Variants in SLC25A26 observed in about 807,000 individuals in gnomAD.
SLC25A26 encodes solute carrier family 25 member 26.
In SLC25A26, 36 loss-of-function variants were observed where a neutral mutation model predicts 37.8. The observed-to-expected ratio is 0.95, with a 90% confidence interval of 0.73 to 1.26. The LOEUF is 1.26. Ranked by LOEUF, SLC25A26 falls within the 50% of genes most tolerant of loss-of-function variation. The pLI is 0.00. For missense variants in SLC25A26, 390 were observed against 331.1 expected (o/e 1.18, Z -1.38); for synonymous variants, 129 against 122.5 (o/e 1.05, Z -0.35).
chr3:66,299,875 G>T (rs2075021897), intron 5 of SLC25A26, among the ~76,000 whole-genome samples: 1 of 152,154 alleles, frequency 6.6e-6, no homozygotes, highest in South Asian at 2.1e-4. Flanking sequence ...GTATCATACT[G>T]CTTTTTCACA....
chr3:66,138,289 T>C (rs572164858), intron 1 of SLC25A26, among the ~76,000 whole-genome samples: 2 of 152,162 alleles, frequency 1.3e-5, no homozygotes, highest in African/African-American at 4.8e-5. Context: ...AGTATGGAAA[T>C]ATGCAATGAA....
chr3:66,333,402 T>C (rs1441032353), intron 5 of SLC25A26, among the ~76,000 whole-genome samples: 1 of 152,236 alleles, frequency 6.6e-6, no homozygotes, highest in African/African-American at 2.4e-5. Context: ...ATCTTCGTCA[T>C]GAGCCATTCT....
At chr3:66,376,230 T>C (rs367873148) in intron 9 of SLC25A26, among the ~76,000 whole-genome samples, 2 of 152,148 alleles carry the variant, frequency 1.3e-5, no homozygotes, top group East Asian at 3.9e-4. Context: ...GTGAACACTG[T>C]TGAAATTACA....
chr3:66,322,314 CTAGT>C (rs1194431052), intron 5 of SLC25A26, among the ~76,000 whole-genome samples: 1 of 152,120 alleles, frequency 6.6e-6, no homozygotes, highest in East Asian at 1.9e-4. Context: ...AAATATGTGA[CTAGT>C]TAAAGATATT....
chr3:66,254,664 TAGTC>T (rs1345853395), intron 3 of SLC25A26, among the ~76,000 whole-genome samples: 5 of 152,256 alleles, frequency 3.3e-5, no homozygotes, highest in African/African-American at 4.8e-5. Flanking sequence ...CTGGAGATGA[TAGTC>T]AGAACACTTG....
chr3:66,232,134 A>G (rs2072063463), intron 1 of SLC25A26, among the ~76,000 whole-genome samples: 1 of 152,192 alleles, frequency 6.6e-6, no homozygotes, highest in Admixed American at 6.5e-5. Context: ...CAAAGGTTTG[A>G]TAATTTAAAA....
chr3:66,345,581 C>G (rs2076302199), intron 5 of SLC25A26, among the ~76,000 whole-genome samples: 1 of 151,380 alleles, frequency 6.6e-6, no homozygotes, highest in African/African-American at 2.4e-5. Flanking sequence ...CACTTTCTTT[C>G]CTTTTCTTCC....
At chr3:66,209,797 A>G (rs1416130053) in intron 1 of SLC25A26, among the ~76,000 whole-genome samples, 1 of 134,084 alleles carries the variant, frequency 7.5e-6, no homozygotes, top group Non-Finnish European at 1.6e-5. Context: ...ATATATACAC[A>G]CCTATATAAA....
chr3:66,198,620 G>A (rs1387146808), intron 1 of SLC25A26, among the ~76,000 whole-genome samples: 1 of 151,330 alleles, frequency 6.6e-6, no homozygotes, highest in Non-Finnish European at 1.5e-5. Context: ...CCCTCACCAT[G>A]TCCCTGACAC....
intron 5 of SLC25A26, among the ~76,000 whole-genome samples, chr3:66,291,282 T>G (rs1172706692): frequency 6.6e-6 from 1 of 152,164 alleles, no homozygotes; most frequent in African/African-American, 2.4e-5. Flanking sequence ...AATTGTGTTT[T>G]TGGGGGGTTT....
intron 3 of SLC25A26, among the ~76,000 whole-genome samples, chr3:66,256,961 T>C (rs932466620): frequency 6.6e-6 from 1 of 152,254 alleles, no homozygotes; most frequent in Non-Finnish European, 1.5e-5. Flanking sequence ...ATTATTTTTT[T>C]GCTGATTCAT....
At chr3:66,172,272 A>G (rs945971978) in intron 1 of SLC25A26, among the ~76,000 whole-genome samples, 7 of 152,020 alleles carry the variant, frequency 4.6e-5, no homozygotes, top group African/African-American at 1.2e-4. Context: ...TTAGCCAGGT[A>G]TGGTGTCATG....
intron 1 of SLC25A26, among the ~76,000 whole-genome samples, chr3:66,223,959 A>G (rs1385450711): frequency 1.3e-5 from 2 of 152,240 alleles, no homozygotes; most frequent in Non-Finnish European, 2.9e-5. Context: ...GAAGCTGCTA[A>G]AACATGGGAC....
chr3:66,238,537 C>T (rs1028477568), intron 2 of SLC25A26, among the ~76,000 whole-genome samples: 1 of 152,062 alleles, frequency 6.6e-6, no homozygotes, highest in Non-Finnish European at 1.5e-5. Flanking sequence ...CACACGCCAC[C>T]ACACCTGGCT....
intron 1 of SLC25A26, among the ~76,000 whole-genome samples, chr3:66,194,325 C>T (rs927883088): frequency 0.011 from 1,646 of 152,236 alleles, 46 homozygotes; most frequent in African/African-American, 0.038. Flanking sequence ...TGAAAGGGTT[C>T]AGGGGATGGC....
intron 5 of SLC25A26, among the ~76,000 whole-genome samples, chr3:66,288,155 A>G (rs2074577087): frequency 1.3e-5 from 2 of 152,150 alleles, no homozygotes. Flanking sequence ...TTGAACACTC[A>G]GTAATTGGAT....
chr3:66,139,137 A>G (rs2069995717), intron 1 of SLC25A26, among the ~76,000 whole-genome samples: 1 of 149,842 alleles, frequency 6.7e-6, no homozygotes, highest in Non-Finnish European at 1.5e-5. Context: ...TGATGATCTC[A>G]CTTCTCTTTA....
intron 5 of SLC25A26, among the ~76,000 whole-genome samples, chr3:66,296,932 T>C (rs1455823137): frequency 6.6e-6 from 1 of 152,226 alleles, no homozygotes; most frequent in African/African-American, 2.4e-5. Flanking sequence ...TAGGCCCTGC[T>C]CCAACCTAGT....
intron 3 of SLC25A26, among the ~76,000 whole-genome samples, chr3:66,259,588 G>A (rs2107264051): frequency 6.6e-6 from 1 of 152,212 alleles, no homozygotes; most frequent in South Asian, 2.1e-4. Flanking sequence ...CAGTGACCAG[G>A]TCCGGTGCAT....
Sources: gnomAD v4.1 joint callset for allele counts (sites outside exome capture counted in the v4.1 genomes callset) on GRCh38, gnomAD v4.1.1 for gene constraint, MANE v1.5 for transcripts, NCBI Gene and HGNC (gene_info 2026-07-23, HGNC 2026-07-21) for gene names.